The following CLDN14 variants were observed in gnomAD, a reference collection of about 807,000 sequenced individuals.
CLDN14 encodes the protein claudin-14.
A neutral mutation model predicts 2.1 loss-of-function variants in CLDN14; 2 were observed. The ratio of observed to expected loss-of-function variants is 0.96; its 90% CI spans 0.39 to 3.01. CLDN14 has a LOEUF of 3.01. Ranked by LOEUF, CLDN14 falls within the 30% of genes most tolerant of loss-of-function variation. The probability of loss-of-function intolerance (pLI) is 0.09; values close to 1 mark genes in which losing one functional copy is unlikely to be tolerated. For synonymous variants in CLDN14, 136 were observed against 154.4 expected, an observed-to-expected ratio of 0.88 and a Z score of 0.88; for missense variants, 298 against 328.0, an observed-to-expected ratio of 0.91 and a Z score of 0.71.
At chr21:36,573,218 G>A (rs953542772) in intron 1 of CLDN14, among the ~76,000 whole-genome samples, 1 of 151,480 alleles carries the variant, frequency 6.6e-6, no homozygotes, top group African/African-American at 2.4e-5. Flanking sequence ...GGTGAATGGT[G>A]TGAACCCGGG....
chr21:36,496,436 CAAAA>C (rs60272055), intron 2 of CLDN14, among the ~76,000 whole-genome samples: 15 of 95,478 alleles, frequency 1.6e-4, no homozygotes, highest in Admixed American at 2.3e-4. Context: ...GACCTTGTTT[CAAAA>C]AAAAAAAAAA....
Position 36,523,777 on chromosome 21 carries a change from A to AAGAAAGAGAGAGAGAG in CLDN14, c.-219-13278_-219-13277insCTCTCTCTCTCTTTCT, listed in dbSNP as rs1395016125. Among the ~76,000 whole-genome samples, 116 of 68,912 alleles carry AAGAAAGAGAGAGAGAG rather than the reference A, an allele frequency of 1.7e-3. 15 individuals are homozygous for AAGAAAGAGAGAGAGAG. Among genetic ancestry groups the AAGAAAGAGAGAGAGAG allele is most frequent in the African/African-American group, 5.3e-3 (82 of 15,494 alleles). The allele number at this position is 68,912 out of a possible 152,430, so 45.2% of individuals were successfully genotyped here. On this transcript the variant is annotated intron_variant, in intron 1 of 2. Coordinates refer to the CLDN14 transcript ENST00000342108. ...AAAAAAAAAAAGAAAGAAAGAGAGA[A>AAGAAAGAGAGAGAGAG]AGAGAGAAAGAAAGAAAGAAAGAAA...
chr21:36,555,317 G>C (rs1016423105), intron 1 of CLDN14, among the ~76,000 whole-genome samples: 1 of 144,138 alleles, frequency 6.9e-6, no homozygotes, highest in Non-Finnish European at 1.6e-5. Context: ...AAAAGAGGAG[G>C]TCTTGGGTCT....
chr21:36,555,114 G>A (rs1311941219), intron 1 of CLDN14, among the ~76,000 whole-genome samples: 1 of 152,222 alleles, frequency 6.6e-6, no homozygotes, highest in African/African-American at 2.4e-5. Flanking sequence ...CGAGTGAATG[G>A]ATACCTATAA....
intron 1 of CLDN14, among the ~76,000 whole-genome samples, chr21:36,550,659 G>A (rs1264432096): frequency 1.3e-5 from 2 of 152,108 alleles, no homozygotes; most frequent in Admixed American, 1.3e-4. Context: ...TCTTAGGTCC[G>A]GGAACTCCTC....
chr21:36,532,525 A>G (rs543808586), intron 1 of CLDN14: 77 of 152,252 alleles, frequency 5.1e-4, no homozygotes, highest in African/African-American at 1.9e-3. Flanking sequence ...GCAGCACACC[A>G]ACATGGCACA....
intron 1 of CLDN14, among the ~76,000 whole-genome samples, chr21:36,523,320 AT>A (rs1262036739): frequency 1.3e-5 from 2 of 152,224 alleles, no homozygotes; most frequent in African/African-American, 4.8e-5. Flanking sequence ...TATATGTGTG[AT>A]GAAAGAAACA....
At chr21:36,538,475 G>C (rs1394389269) in intron 1 of CLDN14, among the ~76,000 whole-genome samples, 4 of 152,122 alleles carry the variant, frequency 2.6e-5, no homozygotes, top group Non-Finnish European at 4.4e-5. Context: ...TTAGCTGGGT[G>C]TGGTGGCACA....
At chr21:36,547,525 C>T (rs537192382) in intron 1 of CLDN14, among the ~76,000 whole-genome samples, 92 of 152,274 alleles carry the variant, frequency 6.0e-4, no homozygotes, top group Non-Finnish European at 1.1e-3. Context: ...GGCTCAGCAG[C>T]GCCCGGGCCA....
chr21:36,530,615 C>T (rs963824073), intron 1 of CLDN14, among the ~76,000 whole-genome samples: 1 of 152,156 alleles, frequency 6.6e-6, no homozygotes, highest in Non-Finnish European at 1.5e-5. Flanking sequence ...AAGTGAAACC[C>T]AAGCCACAAC....
At chr21:36,468,582 A>G (rs1188485733) in intron 1 of CLDN14, among the ~76,000 whole-genome samples, 1 of 151,190 alleles carries the variant, frequency 6.6e-6, no homozygotes, top group East Asian at 1.9e-4. Flanking sequence ...AAAATAAACA[A>G]AATCATAAAT....
intron 1 of CLDN14, among the ~76,000 whole-genome samples, chr21:36,554,354 C>T (rs2087583757): frequency 1.3e-5 from 2 of 152,128 alleles, no homozygotes; most frequent in Admixed American, 1.3e-4. Flanking sequence ...GCTCCAGGAA[C>T]ACAGACCCAG....
chr21:36,554,573 G>A (rs976620687), intron 1 of CLDN14, among the ~76,000 whole-genome samples: 10 of 152,142 alleles, frequency 6.6e-5, no homozygotes, highest in African/African-American at 1.2e-4. Flanking sequence ...AATTACTGCC[G>A]TTTTACATAT....
chr21:36,575,128 A>G (rs1474060649), intron 1 of CLDN14, among the ~76,000 whole-genome samples: 2 of 152,206 alleles, frequency 1.3e-5, no homozygotes, highest in African/African-American at 2.4e-5. Context: ...TACTTTTGCA[A>G]ATGAATCCTG....
At chr21:36,574,763 G>A (rs1218282207) in intron 1 of CLDN14, among the ~76,000 whole-genome samples, 1 of 151,944 alleles carries the variant, frequency 6.6e-6, no homozygotes, top group Non-Finnish European at 1.5e-5. Flanking sequence ...GAGGAAATGT[G>A]GTAGAATAAT....
At position 36,551,246 on chromosome 21, in the gene CLDN14, G is replaced by A. The variant is rs562408273; in HGVS notation, c.-220+25165C>T. ...TAGCAAACAAATCCAGAGAGACCAC[G>A]ATGGCTTGGCCCCCTCCCCTTGGCC... is the stretch of plus-strand genomic sequence containing the variant. On this transcript the variant is annotated intron_variant, in intron 1 of 2. Transcript: ENST00000342108. This position sits in a 1 kb window ranked among gnomAD's most constrained non-coding sequence, Gnocchi z 4.8. Among the ~76,000 whole-genome samples, 41 of 152,214 alleles carry A rather than the reference G, an allele frequency of 2.7e-4. No homozygotes were observed. The highest frequency in any genetic ancestry group is 5.1e-4 in the Non-Finnish European group (35 of 68,040).
intron 2 of CLDN14, among the ~76,000 whole-genome samples, chr21:36,497,753 C>A (rs1301297814): frequency 6.6e-6 from 1 of 152,190 alleles, no homozygotes; most frequent in Non-Finnish European, 1.5e-5. Context: ...GTCCCAACCA[C>A]CTTGAGACAC....
chr21:36,489,313 G>T (rs2086937626), intron 2 of CLDN14, among the ~76,000 whole-genome samples: 1 of 151,690 alleles, frequency 6.6e-6, no homozygotes, highest in African/African-American at 2.4e-5. Context: ...TTAGGAGTAA[G>T]GAGTTTTATT....
At chr21:36,502,466 A>C (rs2087099622) in intron 2 of CLDN14, among the ~76,000 whole-genome samples, 1 of 152,190 alleles carries the variant, frequency 6.6e-6, no homozygotes, top group Non-Finnish European at 1.5e-5. Flanking sequence ...CATGAAAAGG[A>C]TATTCCGAGG....
Sources: allele counts gnomAD v4.1 joint callset (sites outside exome capture counted in the v4.1 genomes callset), GRCh38; gene constraint gnomAD v4.1.1; non-coding constraint Gnocchi (gnomAD v3.1); transcripts MANE v1.5; gene names NCBI Gene and HGNC (gene_info 2026-07-23, HGNC 2026-07-21).